GAS7: variants seen among roughly 807,000 people sequenced by gnomAD.
The protein encoded by GAS7 is growth arrest specific 7, also known as growth arrest-specific protein 7.
A neutral mutation model predicts 71.1 loss-of-function variants in GAS7; 28 were observed. That is an observed-to-expected ratio of 0.39 (90% CI 0.29 to 0.54). The LOEUF (loss-of-function observed/expected upper bound fraction) is 0.54. GAS7 is among the 20% of genes least tolerant of loss of function. The pLI is 0.62. For missense variants in GAS7, 436 were observed against 627.8 expected (o/e 0.69, Z 3.27); for synonymous variants, 258 against 245.8 (o/e 1.05, Z -0.46).
chr17:10,098,146 A>T (rs1433443471), intron 1 of GAS7, among the ~76,000 whole-genome samples: 1 of 151,992 alleles, frequency 6.6e-6, no homozygotes, highest in African/African-American at 2.4e-5. Context: ...CATTCACCTT[A>T]TGCCACCCTT....
intron 1 of GAS7, among the ~76,000 whole-genome samples, chr17:10,179,978 G>A (rs866696635): frequency 2.0e-5 from 3 of 152,126 alleles, no homozygotes; most frequent in Non-Finnish European, 2.9e-5. Flanking sequence ...GAGCATTTAC[G>A]TTTAGGAAAA....
chr17:9,953,292 C>T (rs1406184861), intron 5 of GAS7, among the ~76,000 whole-genome samples: 1 of 152,072 alleles, frequency 6.6e-6, no homozygotes, highest in Non-Finnish European at 1.5e-5. Flanking sequence ...AATGTGAGGA[C>T]TCATTAAGGA....
chr17:10,039,116 A>T (rs185276695), intron 1 of GAS7, among the ~76,000 whole-genome samples: 3 of 152,006 alleles, frequency 2.0e-5, no homozygotes, highest in African/African-American at 7.2e-5. Context: ...CTGGAGATTA[A>T]TGGTGGTGAT....
At chr17:9,944,598 G>A (rs993243708) in intron 6 of GAS7, among the ~76,000 whole-genome samples, 4 of 152,162 alleles carry the variant, frequency 2.6e-5, no homozygotes, top group Non-Finnish European at 5.9e-5. Context: ...GGATTTTATG[G>A]ACACCTTCCC....
At chr17:9,963,681 A>G (rs2069592436) in intron 4 of GAS7, among the ~76,000 whole-genome samples, 1 of 152,150 alleles carries the variant, frequency 6.6e-6, no homozygotes, top group East Asian at 1.9e-4. Context: ...TTCACGAGCT[A>G]TAATGGTGTC....
rs1228168815 is a variant in GAS7, at chr17:9,915,435, T to C, written c.*1793A>G. The C allele has an allele frequency of 8.7e-6, 2 of 229,832 alleles. No homozygotes were observed. Among genetic ancestry groups the C allele is most frequent in the Admixed American group, 5.7e-5 (1 of 17,634 alleles). The allele number at this position is 229,832 out of a possible 1,614,324, so 14.2% of individuals were successfully genotyped here. ...GACCCAACCCCAGATCTGGACAGAGTGGTTCTCCATCCCATGGACAGATCC... is the reference window on the plus strand; with the variant it reads ...GACCCAACCCCAGATCTGGACAGAGCGGTTCTCCATCCCATGGACAGATCC... On this transcript the variant is annotated 3_prime_UTR_variant, in exon 14 of 14. Coordinates refer to ENST00000432992, the MANE Select transcript of GAS7 (RefSeq NM_201433.2).
intron 1 of GAS7, among the ~76,000 whole-genome samples, chr17:10,102,829 G>C (rs2073717837): frequency 6.6e-6 from 1 of 151,784 alleles, no homozygotes; most frequent in Non-Finnish European, 1.5e-5. Context: ...ATTTTAAACG[G>C]AGAGCCACAA....
chr17:10,128,664 C>G lies in GAS7; in HGVS notation c.183+69544G>C, dbSNP rs372590934. Among the ~76,000 whole-genome samples the G allele has an allele frequency of 4.6e-5, 7 of 150,654 alleles. No individual in the cohort carries two copies. The East Asian group carries it at 5.9e-4, about 13-fold the overall frequency. On this transcript the variant is annotated intron_variant, in intron 1 of 13. Coordinates refer to ENST00000432992, the MANE Select transcript of GAS7 (RefSeq NM_201433.2). ...TTTTTTTTTGAGATAGAGTCACCCA[C>G]GCTGGAGTGCAGCGGCGTGATCTCG...
At chr17:10,045,381 TATGTGTCCC>T (rs1199242996) in intron 1 of GAS7, among the ~76,000 whole-genome samples, 1 of 152,150 alleles carries the variant, frequency 6.6e-6, no homozygotes, top group Non-Finnish European at 1.5e-5. Context: ...ATAAAATTTC[TATGTGTCCC>T]ACCCCATAAA....
In GAS7 at chr17:9,915,030, GATGA is replaced by G. The variant is rs1347237087; in HGVS notation, c.*2194_*2197del. 2 of 231,734 alleles carry G rather than the reference GATGA, an allele frequency of 8.6e-6. No individual in the cohort carries two copies. Among genetic ancestry groups the G allele is most frequent in the Middle Eastern group, 1.2e-3 (1 of 804 alleles). 14.4% of individuals were successfully genotyped at this position (231,734 alleles called of 1,614,324 possible). A position where few individuals can be genotyped will look rare whatever the true frequency, so the allele number is the denominator to read the frequency against. On this transcript the variant is annotated 3_prime_UTR_variant, in exon 14 of 14. Coordinates refer to ENST00000432992, the MANE Select transcript of GAS7 (RefSeq NM_201433.2). ...TTAGCACAATGGCTTTAACCTGCTT[GATGA>G]ATGAATAACAGAGGGAAGAAAGAAA...
At chr17:9,939,545 G>A (rs1369318335) in intron 8 of GAS7, among the ~76,000 whole-genome samples, 3 of 152,152 alleles carry the variant, frequency 2.0e-5, no homozygotes, top group Admixed American at 1.3e-4. Flanking sequence ...AGACCAGAGG[G>A]GATTCTGACA....
intron 2 of GAS7, among the ~76,000 whole-genome samples, chr17:9,995,412 G>A (rs1001923545): frequency 2.6e-4 from 39 of 152,080 alleles, no homozygotes; most frequent in Non-Finnish European, 7.4e-5. Context: ...AAGGGGGCCA[G>A]GGAGACAGAT....
Position 10,034,219 on chromosome 17 carries a change from G to A in GAS7, c.184-14322C>T, listed in dbSNP as rs950337063. 25 of 985,088 alleles carry A rather than the reference G, an allele frequency of 2.5e-5. 1 individual carries two copies. Among genetic ancestry groups the A allele is most frequent in the Non-Finnish European group, 2.9e-5 (24 of 829,746 alleles). The allele number at this position is 985,088 out of a possible 1,614,324, so 61.0% of individuals were successfully genotyped here. ...GCAACCTCTTCCATCTCTGCTGGGAGGCCTCAATTGCTTCATCTCTAAAAC... is the reference window on the plus strand; with the variant it reads ...GCAACCTCTTCCATCTCTGCTGGGAAGCCTCAATTGCTTCATCTCTAAAAC... On this transcript the variant is annotated intron_variant, in intron 1 of 13. Coordinates refer to ENST00000432992, the MANE Select transcript of GAS7 (RefSeq NM_201433.2). The surrounding 1 kb of genome is among the most constrained non-coding windows in gnomAD (Gnocchi z 4.4).
intron 2 of GAS7, among the ~76,000 whole-genome samples, chr17:10,010,532 C>T (rs918794360): frequency 1.4e-4 from 21 of 152,158 alleles, no homozygotes; most frequent in Non-Finnish European, 3.1e-4. Context: ...TTGTGAGCCA[C>T]GTGGTCTCTG....
intron 4 of GAS7, among the ~76,000 whole-genome samples, chr17:9,964,225 A>G (rs904899276): frequency 2.4e-5 from 3 of 125,920 alleles, no homozygotes; most frequent in African/African-American, 1.2e-4. Flanking sequence ...GTGATACCAC[A>G]CAGGAAGTGC....
At chr17:10,006,992 G>C (rs943448396) in intron 2 of GAS7, among the ~76,000 whole-genome samples, 2 of 152,094 alleles carry the variant, frequency 1.3e-5, no homozygotes, top group Admixed American at 6.6e-5. Context: ...TTGGGGCTAC[G>C]ATACATGTTT....
chr17:9,988,035 G>A (rs75464393), intron 2 of GAS7, among the ~76,000 whole-genome samples: 1,937 of 152,274 alleles, frequency 0.013, 40 homozygotes, highest in African/African-American at 0.045. Context: ...ACAGATACCA[G>A]AGCAGAAGGA....
chr17:10,078,382 G>A (rs2073419974), intron 1 of GAS7, among the ~76,000 whole-genome samples: 1 of 152,298 alleles, frequency 6.6e-6, no homozygotes. Flanking sequence ...ATGAGTCACC[G>A]CACCTAGCCT....
intron 2 of GAS7, among the ~76,000 whole-genome samples, chr17:10,009,886 G>A (rs1218025474): frequency 6.6e-6 from 1 of 152,004 alleles, no homozygotes; most frequent in East Asian, 1.9e-4. Context: ...TTAAAAAGAT[G>A]CATAGGTTTC....
Sources: allele counts gnomAD v4.1 joint callset (sites outside exome capture counted in the v4.1 genomes callset), GRCh38; gene constraint gnomAD v4.1.1; non-coding constraint Gnocchi (gnomAD v3.1); transcripts MANE v1.5; gene names NCBI Gene and HGNC (gene_info 2026-07-23, HGNC 2026-07-21).